Variants in RHEB observed in about 807,000 individuals in gnomAD.
RHEB encodes Ras homolog, mTORC1 binding, also known as GTP-binding protein Rheb.
Under a neutral mutation model 28.8 loss-of-function variants are expected in RHEB, and 2 were observed. The ratio of observed to expected loss-of-function variants is 0.07; its 90% CI spans 0.03 to 0.22. The LOEUF is 0.22. RHEB is among the 10% of genes least tolerant of loss of function. The pLI is 1.00. For synonymous variants in RHEB, 69 were observed against 77.3 expected (o/e 0.89, Z 0.56); for missense variants, 76 against 219.9 (o/e 0.35, Z 4.14).
At chr7:151,476,504 G>A (rs1005044560) in intron 4 of RHEB, among the ~76,000 whole-genome samples, 2 of 152,356 alleles carry the variant, frequency 1.3e-5, no homozygotes, top group African/African-American at 2.4e-5. Context: ...GTAGCCCTGG[G>A]CAAGCTGCTT....
chr7:151,482,318 CACTGCAACCTCAA>C (rs1447772237), intron 3 of RHEB, among the ~76,000 whole-genome samples: 1 of 152,186 alleles, frequency 6.6e-6, no homozygotes, highest in African/African-American at 2.4e-5. Flanking sequence ...TATCACAGCT[CACTGCAACCTCAA>C]ACTCCTGGGC....
chr7:151,473,471 C>T (rs1328658797), intron 4 of RHEB, among the ~76,000 whole-genome samples: 1 of 152,212 alleles, frequency 6.6e-6, no homozygotes, highest in Admixed American at 6.5e-5. Context: ...ACCCAGATTC[C>T]TGACCCACAA....
intron 1 of RHEB, among the ~76,000 whole-genome samples, chr7:151,511,664 C>CTT (rs201464253): frequency 0.02 from 2,828 of 142,842 alleles, 105 homozygotes; most frequent in African/African-American, 0.068. Flanking sequence ...TGTTAGATTT[C>CTT]TTTTTTTTTT....
At chr7:151,511,726 C>A (rs1044864719) in intron 1 of RHEB, among the ~76,000 whole-genome samples, 5 of 151,748 alleles carry the variant, frequency 3.3e-5, no homozygotes, top group African/African-American at 7.3e-5. Context: ...CGACTCACTG[C>A]AACCTCCCCC....
At chr7:151,492,611 T>C (rs557283875) in intron 1 of RHEB, among the ~76,000 whole-genome samples, 1 of 149,700 alleles carries the variant, frequency 6.7e-6, no homozygotes, top group African/African-American at 2.5e-5. Flanking sequence ...AGTGAGACTC[T>C]GTCTTATAAA....
intron 1 of RHEB, among the ~76,000 whole-genome samples, chr7:151,494,375 A>G (rs1371115241): frequency 6.6e-6 from 1 of 152,220 alleles, no homozygotes; most frequent in Non-Finnish European, 1.5e-5. Context: ...TTCCCGTGAA[A>G]TTCAGGAAGC....
chr7:151,467,302 T>G, intron 7 of RHEB, 91 bp from the exon 8 acceptor site: 1 of 917,558 alleles, frequency 1.1e-6, no homozygotes, highest in Non-Finnish European at 1.8e-6. Context: ...CCGCCTGCCC[T>G]GCCCTCCTAC....
chr7:151,476,756 G>T (rs1051395473), intron 4 of RHEB, among the ~76,000 whole-genome samples: 3 of 152,182 alleles, frequency 2.0e-5, no homozygotes, highest in Non-Finnish European at 4.4e-5. Context: ...CTCCGCTGCT[G>T]TATACAGCCA....
At chr7:151,487,875 A>G (rs1225829236) in intron 2 of RHEB, among the ~76,000 whole-genome samples, 1 of 152,206 alleles carries the variant, frequency 6.6e-6, no homozygotes, top group African/African-American at 2.4e-5. Flanking sequence ...AGTAAATGCT[A>G]CTAACCACGG....
intron 1 of RHEB, among the ~76,000 whole-genome samples, chr7:151,498,856 T>C (rs1450496175): frequency 6.6e-6 from 1 of 152,194 alleles, no homozygotes; most frequent in Admixed American, 6.5e-5. Flanking sequence ...CTAACAGCTG[T>C]ATTTTTACAG....
At chr7:151,489,581 T>C (rs576722124) in intron 2 of RHEB, among the ~76,000 whole-genome samples, 9 of 152,336 alleles carry the variant, frequency 5.9e-5, no homozygotes, top group African/African-American at 2.2e-4. Context: ...AAACTTTTTC[T>C]GTAAAGGGCC....
chr7:151,478,259 T>A (rs1200610021), intron 3 of RHEB, among the ~76,000 whole-genome samples: 1 of 152,214 alleles, frequency 6.6e-6, no homozygotes, highest in Non-Finnish European at 1.5e-5. Context: ...TAAGCACTAT[T>A]ATGGAAAAAT....
intron 1 of RHEB, among the ~76,000 whole-genome samples, chr7:151,512,873 A>G (rs1044045368): frequency 1.3e-5 from 2 of 152,314 alleles, no homozygotes; most frequent in African/African-American, 2.4e-5. Context: ...TTAAGTTATC[A>G]TTTGCCTTTT....
chr7:151,515,649 G>A (rs921412985), intron 1 of RHEB, among the ~76,000 whole-genome samples: 14 of 152,060 alleles, frequency 9.2e-5, no homozygotes, highest in African/African-American at 3.4e-4. Context: ...ATATTGTTTT[G>A]CCTTTCAATT....
intron 3 of RHEB, among the ~76,000 whole-genome samples, chr7:151,483,049 A>C (rs921094234): frequency 6.6e-6 from 1 of 152,214 alleles, no homozygotes; most frequent in Admixed American, 6.5e-5. Context: ...CTGACTGCTA[A>C]AGCACACTGC....
chr7:151,517,517 A>G (rs1340870387), intron 1 of RHEB, among the ~76,000 whole-genome samples: 1 of 152,104 alleles, frequency 6.6e-6, no homozygotes, highest in South Asian at 2.1e-4. Flanking sequence ...AATAGGGACT[A>G]AAAGTGACCC....
Position 151,467,157 on chromosome 7 carries a change from C to T in RHEB, c.517G>A (p.Ala173Thr), listed in dbSNP as rs2150918325. 1 of 1,613,742 alleles carries T rather than the reference C, an allele frequency of 6.2e-7. No homozygotes were observed. Among genetic ancestry groups the T allele is most frequent in the Non-Finnish European group, 8.5e-7 (1 of 1,179,684 alleles). The change falls in exon 8 of 8, where the codon GCA becomes ACA. Residue 173 changes from alanine (A) to threonine (T), a missense_variant. Coordinates refer to ENST00000262187, the MANE Select transcript of RHEB (RefSeq NM_005614.4). Reference sequence around the variant, plus strand: ...CATGAAGACTTGCCTTGTGAAGCTGCCCCGTCCATTTTTTCTGCCTCCAAA... The same window carrying T: ...CATGAAGACTTGCCTTGTGAAGCTGTCCCGTCCATTTTTTCTGCCTCCAAA... ...IILEAEKMDG[A>T]ASQGKSSCSV...
In RHEB at chr7:151,470,629, T is replaced by C. The variant is rs746863162; in HGVS notation, c.404A>G (p.Lys135Arg). The C allele has an allele frequency of 6.2e-7, 1 of 1,612,922 alleles. No homozygotes were observed. Among genetic ancestry groups the C allele is most frequent in the Non-Finnish European group, 8.5e-7 (1 of 1,179,008 alleles). The change falls in exon 7 of 8, where the codon AAA becomes AGA. Residue 135 changes from lysine to arginine, a missense_variant. By Grantham distance (26) the Lys-to-Arg change is conservative. Coordinates refer to ENST00000262187, the MANE Select transcript of RHEB (RefSeq NM_005614.4). Reference sequence around the variant, plus strand: ...TGCATTCCAAGATTCTGCCAAAGCTTTCCCTTCTTCATAACTGATCACCCT... The same window carrying C: ...TGCATTCCAAGATTCTGCCAAAGCTCTCCCTTCTTCATAACTGATCACCCT... ...MERVISYEEG[K>R]ALAESWNAAF...
At chr7:151,487,098 G>A (rs1319149397) in intron 2 of RHEB, among the ~76,000 whole-genome samples, 1 of 152,236 alleles carries the variant, frequency 6.6e-6, no homozygotes, top group Non-Finnish European at 1.5e-5. Flanking sequence ...GAGGCCTGGA[G>A]TTCAAGACCA....
Sources: gnomAD v4.1 joint callset for allele counts (sites outside exome capture counted in the v4.1 genomes callset) on GRCh38, gnomAD v4.1.1 for gene constraint, MANE v1.5 for transcripts, NCBI Gene and HGNC (gene_info 2026-07-23, HGNC 2026-07-21) for gene names.